TET1: variants seen among roughly 807,000 people sequenced by gnomAD.
TET1 encodes the protein tet methylcytosine dioxygenase 1.
TET1 carries 13 observed loss-of-function variants against 148.7 expected under a neutral mutation model. That is an observed-to-expected ratio of 0.09 (90% confidence interval 0.06 to 0.14). TET1 has a LOEUF of 0.14. TET1 is among the 10% of genes least tolerant of loss of function. The pLI is 1.00. For synonymous variants in TET1, 907 were observed against 937.2 expected (o/e 0.97, Z 0.59); for missense variants, 2,182 against 2,553.8 (o/e 0.85, Z 3.14).
chr10:68,675,434 C>A lies in TET1; in HGVS notation c.4824+2389C>A, dbSNP rs1040821839. Among the ~76,000 whole-genome samples, 4 of 152,080 alleles carry A rather than the reference C, an allele frequency of 2.6e-5. No individual in the cohort carries two copies. The East Asian group carries it at 7.7e-4, about 29-fold the overall frequency. ...AGCTTGGGTGGAAGAATGATAAAAT[C>A]GTTGATGCCTTATAAAAAGCTTATG... is the stretch of plus-strand genomic sequence containing the variant. On this transcript the variant is annotated intron_variant, in intron 8 of 11. Coordinates refer to ENST00000373644, the MANE Select transcript of TET1 (RefSeq NM_030625.3).
intron 3 of TET1, among the ~76,000 whole-genome samples, chr10:68,622,164 C>CCCTTCCTTCCTTCCTTCCTT (rs1198639936): frequency 8.1e-5 from 10 of 124,072 alleles, no homozygotes; most frequent in African/African-American, 3.1e-4. Flanking sequence ...GATACCTATG[C>CCCTTCCTTCCTTCCTTCCTT]CCTTCCTTCC....
chr10:68,669,196 G>A (rs2055234624), intron 7 of TET1, among the ~76,000 whole-genome samples: 1 of 151,976 alleles, frequency 6.6e-6, no homozygotes, highest in African/African-American at 2.4e-5. Flanking sequence ...AGTGAGCTCT[G>A]ATTTTGCCAG....
intron 6 of TET1, among the ~76,000 whole-genome samples, chr10:68,655,979 A>G (rs1456245719): frequency 1.3e-5 from 2 of 152,126 alleles, no homozygotes; most frequent in Non-Finnish European, 1.5e-5. Context: ...AGACTCTCAT[A>G]GGACTGCAAA....
Position 68,674,163 on chromosome 10 carries a change from C to G in TET1, c.4824+1118C>G, listed in dbSNP as rs140135929. Among the ~76,000 whole-genome samples the G allele has an allele frequency of 3.1e-4, 47 of 152,026 alleles. No individual in the cohort carries two copies. In the East Asian group the frequency reaches 7.7e-3, roughly 25 times the overall value. ...ATTTTTAGTAGAGATGAGGTTTCAC[C>G]ATGTTGGCCAGGCTAATCTCGAACT... On this transcript the variant is annotated intron_variant, in intron 8 of 11. Transcript: ENST00000373644.
At chr10:68,663,691 T>C (rs2055154146) in intron 6 of TET1, among the ~76,000 whole-genome samples, 1 of 152,216 alleles carries the variant, frequency 6.6e-6, no homozygotes. Context: ...CACTATAGTA[T>C]TCATTGACAT....
chr10:68,629,238 G>A (rs1001002089), intron 3 of TET1, among the ~76,000 whole-genome samples: 2 of 152,090 alleles, frequency 1.3e-5, no homozygotes, highest in South Asian at 2.1e-4. Context: ...GGTGGCGAGT[G>A]CCTGTAACCC....
chr10:68,676,250 A>T (rs1236311863), intron 8 of TET1, among the ~76,000 whole-genome samples: 5 of 31,998 alleles, frequency 1.6e-4, no homozygotes, highest in Non-Finnish European at 1.0e-4. Context: ...ATATATATAT[A>T]TATATATATA....
At chr10:68,670,486 CTGGACTATTACACTCA>C (rs2055258294) in intron 7 of TET1, among the ~76,000 whole-genome samples, 1 of 152,150 alleles carries the variant, frequency 6.6e-6, no homozygotes, top group Admixed American at 6.5e-5. Flanking sequence ...GAAATATAAC[CTGGACTATTACACTCA>C]GTGCAATTTG....
intron 3 of TET1, among the ~76,000 whole-genome samples, chr10:68,641,926 G>A (rs181000780): frequency 7.2e-5 from 11 of 152,284 alleles, no homozygotes; most frequent in Non-Finnish European, 1.3e-4. Context: ...AGCCTCCCCA[G>A]TAGGTAGGAC....
chr10:68,694,354 C>T lies in TET1; in HGVS notation c.*2540C>T, dbSNP rs2055629314. 1 of 232,510 alleles carries T rather than the reference C, an allele frequency of 4.3e-6. No homozygotes were observed. The highest frequency in any genetic ancestry group is 8.5e-6 in the Non-Finnish European group (1 of 117,726). 14.4% of individuals were successfully genotyped at this position (232,510 alleles called of 1,614,324 possible). ...ACAATTTACCATCCCATTCTCTGCCCTGTGATTTTTTTTAAAAGCTTATTC... is the reference window on the plus strand; with the variant it reads ...ACAATTTACCATCCCATTCTCTGCCTTGTGATTTTTTTTAAAAGCTTATTC... On this transcript the variant is annotated 3_prime_UTR_variant, in exon 12 of 12. Transcript: ENST00000373644.
chr10:68,573,168 T>G lies in TET1; in HGVS notation c.830T>G (p.Val277Gly). Residue 277 changes from valine to glycine, a missense_variant, in exon 2 of 12, where the codon GTA (valine) becomes GGA (glycine). By Grantham distance (109) the Val-to-Gly change is moderately radical. Coordinates refer to ENST00000373644, the MANE Select transcript of TET1 (RefSeq NM_030625.3). ...SIQLEELGSR[V>G]ESLKLSDSYL... ...CAGTTAGAAGAGTTGGGTTCACGAG[T>G]AGAATCTCTTAAGTTATCTGATTCT... The G allele has an allele frequency of 6.2e-7, 1 of 1,614,110 alleles. No individual in the cohort carries two copies. The highest frequency in any genetic ancestry group is 8.5e-7 in the Non-Finnish European group (1 of 1,180,020).
chr10:68,638,210 G>T (rs1176662060), intron 3 of TET1, among the ~76,000 whole-genome samples: 1 of 152,150 alleles, frequency 6.6e-6, no homozygotes, highest in Non-Finnish European at 1.5e-5. Context: ...AGTGAATACA[G>T]TATCTTAAAG....
At position 68,572,791 on chromosome 10, in the gene TET1, G is replaced by C; in HGVS notation, c.453G>C (p.Lys151Asn). ...DYKILPALGV[K>N]HSENDSVPMQ... Reference sequence around the variant, plus strand: ...AGATACTCCCTGCTTTGGGAGTAAAGCACTCAGAAAATGATTCGGTTCCAA... The same window carrying C: ...AGATACTCCCTGCTTTGGGAGTAAACCACTCAGAAAATGATTCGGTTCCAA... Residue 151 changes from lysine to asparagine, a missense_variant, in exon 2 of 12, where the codon AAG (lysine) becomes AAC (asparagine). Lys to Asn is a moderately conservative substitution (Grantham distance 94). This residue lies in a region of TET1 where 665 missense variants were observed against 672.4 expected (regional missense o/e 0.99). Coordinates refer to ENST00000373644, the MANE Select transcript of TET1 (RefSeq NM_030625.3). 1 of 1,614,134 alleles carries C rather than the reference G, an allele frequency of 6.2e-7. No homozygotes were observed. The highest frequency in any genetic ancestry group is 8.5e-7 in the Non-Finnish European group (1 of 1,180,018).
chr10:68,665,248 C>A (rs34982560), intron 6 of TET1, among the ~76,000 whole-genome samples: 14,929 of 150,382 alleles, frequency 0.099, 1,021 homozygotes, highest in South Asian at 0.19. Context: ...CATTTTCTTT[C>A]ATAAACTTTG....
At chr10:68,583,688 A>AT (rs2053827150) in intron 2 of TET1, among the ~76,000 whole-genome samples, 1 of 152,190 alleles carries the variant, frequency 6.6e-6, no homozygotes, top group African/African-American at 2.4e-5. Flanking sequence ...CGAGGCAAGC[A>AT]GATCATGACG....
chr10:68,662,900 G>A (rs1177137670), intron 6 of TET1, among the ~76,000 whole-genome samples: 1 of 152,130 alleles, frequency 6.6e-6, no homozygotes, highest in Non-Finnish European at 1.5e-5. Flanking sequence ...CAGCCAAGGT[G>A]ACATAGTGAG....
chr10:68,692,519 G>T lies in TET1; in HGVS notation c.*705G>T. Reference sequence around the variant, plus strand: ...TGTTTGTGCATATTTGCATACAAGAGAAATCATTTATCCTTGCTGTGTAGA... The same window carrying T: ...TGTTTGTGCATATTTGCATACAAGATAAATCATTTATCCTTGCTGTGTAGA... On this transcript the variant is annotated 3_prime_UTR_variant, in exon 12 of 12. Transcript: ENST00000373644. 1 of 232,326 alleles carries T rather than the reference G, an allele frequency of 4.3e-6. No homozygotes were observed. The highest frequency in any genetic ancestry group is 8.5e-6 in the Non-Finnish European group (1 of 117,270). The allele number at this position is 232,326 out of a possible 1,614,324, so 14.4% of individuals were successfully genotyped here.
chr10:68,564,073 T>G lies in TET1; in HGVS notation c.-123+3331T>G, dbSNP rs535256286. ...TTTAAAAGTTAGTTGGGTTATTATC[T>G]CCTAGCCTATAATTTTGGATTGCAT... On this transcript the variant is annotated intron_variant, in intron 1 of 11. Coordinates refer to ENST00000373644, the MANE Select transcript of TET1 (RefSeq NM_030625.3). Among the ~76,000 whole-genome samples, 176 of 152,244 alleles carry G rather than the reference T, an allele frequency of 1.2e-3. 1 individual carries two copies. Among genetic ancestry groups the G allele is most frequent in the African/African-American group, 4.0e-3 (166 of 41,536 alleles).
chr10:68,691,343 G>A lies in TET1; in HGVS notation c.5940G>A (p.Leu1980=), dbSNP rs779085865. 4 of 1,614,044 alleles carry A rather than the reference G, an allele frequency of 2.5e-6. No individual in the cohort carries two copies. In the Admixed American group the frequency reaches 5.0e-5, roughly 20 times the overall value. ...ACGAACCCCTATCTGATGACCCCCT[G>A]TCACCTGCTGAGGAGAAATTGCCCC... ...PSDEPLSDDP[L]SPAEEKLPHI... Residue 1980 remains leucine, a synonymous_variant, in exon 12 of 12, where the codon CTG becomes CTA. Transcript: ENST00000373644. The surrounding 1 kb of genome is among the most constrained non-coding windows in gnomAD (Gnocchi z 4.4).
Sources: gnomAD v4.1 joint callset for allele counts (sites outside exome capture counted in the v4.1 genomes callset) on GRCh38, gnomAD v4.1.1 for gene constraint, gnomAD v4.1.1 regional missense constraint, Gnocchi (gnomAD v3.1) non-coding constraint, MANE v1.5 for transcripts, NCBI Gene and HGNC (gene_info 2026-07-23, HGNC 2026-07-21) for gene names.